Variants in ZMAT2 observed in about 807,000 individuals in gnomAD.
ZMAT2 encodes zinc finger matrin-type protein 2.
A neutral mutation model predicts 27.5 loss-of-function variants in ZMAT2; 5 were observed. The ratio of observed to expected loss-of-function variants is 0.18; its 90% confidence interval spans 0.10 to 0.38. ZMAT2 has a LOEUF of 0.38. Among genes scored for constraint, ZMAT2 ranks in the 10% least tolerant of loss-of-function variants. ZMAT2 has a pLI of 1.00. For synonymous variants in ZMAT2, 76 were observed against 78.6 expected (o/e 0.97, Z 0.17); for missense variants, 124 against 243.9 (o/e 0.51, Z 3.27).
intron 1 of ZMAT2, 104 bp from the exon 2 acceptor site, chr5:140,700,715 C>T: frequency 7.1e-7 from 1 of 1,400,504 alleles, no homozygotes. Flanking sequence ...AGAGGCTTTG[C>T]TTTCAAAACG....
At chr5:140,702,891 C>T (rs1396932682) in intron 3 of ZMAT2, among the ~76,000 whole-genome samples, 1 of 152,250 alleles carries the variant, frequency 6.6e-6, no homozygotes, top group Non-Finnish European at 1.5e-5. Flanking sequence ...ACACAGATAG[C>T]AATGAGTGAC....
chr5:140,705,890 G>A lies in ZMAT2; in HGVS notation c.*134G>A. The A allele has an allele frequency of 8.4e-7, 1 of 1,188,124 alleles. No homozygotes were observed. The allele number at this position is 1,188,124 out of a possible 1,614,324, so 73.6% of individuals were successfully genotyped here. A position where few individuals can be genotyped will look rare whatever the true frequency, so the allele number is the denominator to read the frequency against. ...TGTCAATGGGGAGGGATAGAGGGTG[G>A]GGGCTCATGGTTTCCCTCTACTTTG... On this transcript the variant is annotated 3_prime_UTR_variant, in exon 6 of 6. Coordinates refer to ENST00000274712, the MANE Select transcript of ZMAT2 (RefSeq NM_144723.3).
At position 140,700,471 on chromosome 5, in the gene ZMAT2, G is replaced by A. The variant is rs755603107; in HGVS notation, c.11G>A (p.Gly4Asp). 6.2e-7 allele frequency: 1 copy of A among 1,613,052 alleles called. No individual in the cohort carries two copies. The highest frequency in any genetic ancestry group is 2.2e-5 in the East Asian group (1 of 44,880). The change falls in exon 1 of 6, where the codon GGC (glycine) becomes GAC (aspartate). Residue 4 changes from glycine (G) to aspartate (D), a missense_variant. Gly to Asp is a moderately conservative substitution (Grantham distance 94, BLOSUM62 -1). Transcript: ENST00000274712. ...CACTTCGCTGTGAAGATGGCGTCGG[G>A]CAGCGGGGTAGGTGTTGTGTCTGAG... MASGSGTKNLDFRR... is the reference protein window; with the variant it reads MASDSGTKNLDFRR...
intron 3 of ZMAT2, among the ~76,000 whole-genome samples, chr5:140,702,883 A>C (rs1759990806): frequency 2.6e-5 from 4 of 152,358 alleles, no homozygotes; most frequent in Admixed American, 2.6e-4. Context: ...GGAGAGCAAC[A>C]CAGATAGCAA....
At position 140,706,599 on chromosome 5, in the gene ZMAT2, G is replaced by T. The variant is rs537870536; in HGVS notation, c.*843G>T. 6.5e-6 allele frequency: 1 copy of T among 152,744 alleles called. No individual in the cohort carries two copies. The highest frequency in any genetic ancestry group is 2.4e-5 in the African/African-American group (1 of 41,550). The allele number at this position is 152,744 out of a possible 1,614,324, so 9.5% of individuals were successfully genotyped here. A position where few individuals can be genotyped will look rare whatever the true frequency, so the allele number is the denominator to read the frequency against. Reference sequence around the variant, plus strand: ...AAAAAATCCCCAAAACCTTATTATGGGAGCCCGTCGGTCTTAGAAGCTGTT... The same window carrying T: ...AAAAAATCCCCAAAACCTTATTATGTGAGCCCGTCGGTCTTAGAAGCTGTT... On this transcript the variant is annotated 3_prime_UTR_variant, in exon 6 of 6. Coordinates refer to ENST00000274712, the MANE Select transcript of ZMAT2 (RefSeq NM_144723.3).
intron 3 of ZMAT2, 24 bp downstream of exon 3, chr5:140,702,153 C>T: frequency 6.2e-7 from 1 of 1,608,640 alleles, no homozygotes; most frequent in Non-Finnish European, 8.5e-7. Context: ...CATTTTTCCT[C>T]TGCAGCCAAG....
At chr5:140,704,072 T>G (rs1562072509) in intron 4 of ZMAT2, 81 bp downstream of exon 4, 4 of 1,343,184 alleles carry the variant, frequency 3.0e-6, no homozygotes, top group Admixed American at 3.7e-5. Flanking sequence ...GCTTTTTTTT[T>G]CTTCTTTTTA....
At chr5:140,704,061 A>G (rs942970076) in intron 4 of ZMAT2, 70 bp downstream of exon 4, 34 of 1,413,382 alleles carry the variant, frequency 2.4e-5, no homozygotes, top group Non-Finnish European at 3.3e-5. Context: ...ATGGAAGGGT[A>G]GCTTTTTTTT....
At position 140,702,056 on chromosome 5, in the gene ZMAT2, A is replaced by G. The variant is rs1309997856; in HGVS notation, c.163A>G (p.Lys55Glu). The G allele has an allele frequency of 1.2e-6, 2 of 1,613,564 alleles. No individual in the cohort carries two copies. The highest frequency in any genetic ancestry group is 4.5e-5 in the East Asian group (2 of 44,862). The part of the protein sequence containing the change: ...KRELLRHRDY[K>E]VDLESKLGKT... ...AGAGCTTTTACGGCATAGGGACTAC[A>G]AGGTGGACTTGGAATCCAAGCTTGG... The change falls in exon 3 of 6, where the codon AAG becomes GAG. Residue 55 changes from lysine (K) to glutamate (E), a missense_variant. Physicochemically the swap from Lys to Glu is moderately conservative, Grantham distance 56 (BLOSUM62 1). Around this residue, in one of 5 missense-constraint regions of ZMAT2, gnomAD observed 34 missense variants for 50.8 expected, o/e 0.67. Coordinates refer to ENST00000274712, the MANE Select transcript of ZMAT2 (RefSeq NM_144723.3).
rs373082786 is a variant in ZMAT2 at position 140,700,857 on chromosome 5, T to C, written c.57T>C (p.Asp19=). ...ACTTTCGCCGAAAGTGGGACAAAGA[T>C]GAATATGAGAAACTCGCCGAGAAGA... is the stretch of plus-strand genomic sequence containing the variant. ...NLDFRRKWDK[D]EYEKLAEKRL... The change falls in exon 2 of 6, where the codon GAT becomes GAC. Residue 19 remains aspartate, a synonymous_variant. Transcript: ENST00000274712. 9 of 1,613,736 alleles carry C rather than the reference T, an allele frequency of 5.6e-6. No individual in the cohort carries two copies. The African/African-American group carries it at 6.7e-5, about 12-fold the overall frequency.
intron 3 of ZMAT2, among the ~76,000 whole-genome samples, chr5:140,703,433 C>A (rs1020803160): frequency 6.6e-6 from 1 of 151,816 alleles, no homozygotes; most frequent in Non-Finnish European, 1.5e-5. Flanking sequence ...GGGGTTTCTC[C>A]GTGTTGGTCA....
intron 2 of ZMAT2, 82 bp from the exon 3 acceptor site, chr5:140,701,924 A>T: frequency 6.6e-7 from 1 of 1,516,312 alleles, no homozygotes; most frequent in Non-Finnish European, 8.9e-7. Flanking sequence ...TAAGACCTGA[A>T]TTTTGGATTT....
In ZMAT2 at chr5:140,700,790, C is replaced by T. The variant is rs967421023; in HGVS notation, c.19-29C>T. On this transcript the variant is annotated intron_variant, in intron 1 of 5. Coordinates refer to ENST00000274712, the MANE Select transcript of ZMAT2 (RefSeq NM_144723.3). ...TTCTCTAGGGGCCCAGACACGGCGA[C>T]GGATCTTGACGCTTTTTCCTCCCCA... 5.6e-6 allele frequency: 9 copies of T among 1,611,212 alleles called. No individual in the cohort carries two copies. In the Admixed American group the frequency reaches 1.5e-4, roughly 27 times the overall value.
At chr5:140,701,928 T>C in intron 2 of ZMAT2, 78 bp from the exon 3 acceptor site, 1 of 1,523,396 alleles carries the variant, frequency 6.6e-7, no homozygotes, top group Non-Finnish European at 8.8e-7. Flanking sequence ...ACCTGAATTT[T>C]GGATTTCATG....
At position 140,704,790 on chromosome 5, in the gene ZMAT2, A is replaced by AT. The variant is rs58877117; in HGVS notation, c.456+230dup. Among the ~76,000 whole-genome samples the AT allele has an allele frequency of 5.9e-3, 716 of 120,516 alleles. 6 individuals are homozygous for AT. Among genetic ancestry groups the AT allele is most frequent in the East Asian group, 0.022 (99 of 4,412 alleles). The allele number at this position is 120,516 out of a possible 152,430, so 79.1% of individuals were successfully genotyped here. ...TTTTCTCCTAGACTCTCTGGGCCTT[A>AT]TTTTTTTTTTTGTAATTTAAAAAAA... On this transcript the variant is annotated intron_variant, in intron 5 of 5. Coordinates refer to ENST00000274712, the MANE Select transcript of ZMAT2 (RefSeq NM_144723.3).
At chr5:140,703,874 T>A (rs749389905) in intron 3 of ZMAT2, 44 bp from the exon 4 acceptor site, 2 of 1,574,100 alleles carry the variant, frequency 1.3e-6, no homozygotes, top group East Asian at 4.5e-5. Context: ...AATGATAAGA[T>A]CCTTAAAACC....
chr5:140,700,753 G>A, intron 1 of ZMAT2, 66 bp from the exon 2 acceptor site: 3 of 1,557,010 alleles, frequency 1.9e-6, no homozygotes, highest in Middle Eastern at 3.7e-4. Context: ...CCGCGAGGGC[G>A]CGGTTCCCTG....
chr5:140,704,257 C>T (rs1220015406), intron 4 of ZMAT2, among the ~76,000 whole-genome samples, 169 bp from the exon 5 acceptor site: 4 of 152,166 alleles, frequency 2.6e-5, no homozygotes, highest in Non-Finnish European at 1.5e-5. Flanking sequence ...CTTTCAACAG[C>T]ACCCAAACCA....
At chr5:140,702,885 A>T (rs1759990869) in intron 3 of ZMAT2, among the ~76,000 whole-genome samples, 1 of 152,252 alleles carries the variant, frequency 6.6e-6, no homozygotes, top group Non-Finnish European at 1.5e-5. Flanking sequence ...AGAGCAACAC[A>T]GATAGCAATG....
Sources: gnomAD v4.1 joint callset for allele counts (sites outside exome capture counted in the v4.1 genomes callset) on GRCh38, gnomAD v4.1.1 for gene constraint, gnomAD v4.1.1 regional missense constraint, MANE v1.5 for transcripts, NCBI Gene and HGNC (gene_info 2026-07-23, HGNC 2026-07-21) for gene names.